Variants in KCNQ1 observed in about 807,000 individuals in gnomAD.
KCNQ1 encodes the protein potassium voltage-gated channel subfamily Q member 1.
KCNQ1 carries 49 observed loss-of-function variants against 72.4 expected under a neutral mutation model. That is an observed-to-expected ratio of 0.68 (90% CI 0.54 to 0.86). The LOEUF is 0.86. Among genes scored for constraint, KCNQ1 ranks in the 40% least tolerant of loss-of-function variants. The pLI, the probability that KCNQ1 is intolerant of heterozygous loss-of-function variation, is 0.00. For missense variants in KCNQ1, 790 were observed against 945.1 expected, an observed-to-expected ratio of 0.84 and a Z score of 2.15; for synonymous variants, 450 against 412.6, an observed-to-expected ratio of 1.09 and a Z score of -1.10.
At chr11:2,841,851 G>A (rs1263671118) in intron 15 of KCNQ1, among the ~76,000 whole-genome samples, 2 of 152,198 alleles carry the variant, frequency 1.3e-5, no homozygotes, top group African/African-American at 2.4e-5. Flanking sequence ...GCAGCAGGGG[G>A]AAGGGTCTTT....
At chr11:2,520,318 G>A (rs778777334) in intron 1 of KCNQ1, among the ~76,000 whole-genome samples, 43 of 152,232 alleles carry the variant, frequency 2.8e-4, no homozygotes, top group Non-Finnish European at 5.4e-4. Context: ...GGTTCAGAGC[G>A]GGGAACCTGT....
rs1846326717 is a variant in KCNQ1, at chr11:2,464,669, C to G, written c.386+19185C>G. 6.6e-6 allele frequency among the ~76,000 whole-genome samples: 1 copy of G among 151,984 alleles called. No homozygotes were observed. Among genetic ancestry groups the G allele is most frequent in the Non-Finnish European group, 1.5e-5 (1 of 68,010 alleles). On this transcript the variant is annotated intron_variant, in intron 1 of 15. Coordinates refer to ENST00000155840, the MANE Select transcript of KCNQ1 (RefSeq NM_000218.3). The surrounding 1 kb of genome is among the most constrained non-coding windows in gnomAD (Gnocchi z 5.0). The stretch of plus-strand genomic sequence containing the variant: ...GGCAGTGCCTCTGTGTGGCAGATTC[C>G]AGCTTCTCTCAGGGGCCAGGATTAC...
In KCNQ1 at chr11:2,813,736, T is replaced by G. The variant is rs1410788997; in HGVS notation, c.1795-34031T>G. On this transcript the variant is annotated intron_variant, in intron 15 of 15. Transcript: ENST00000155840. The surrounding 1 kb of genome is among the most constrained non-coding windows in gnomAD (Gnocchi z 4.4). ...GCCTTTTGATCTTGTTGCCGCAAGA[T>G]ACACAGGAGGCAGCTGCTCACTGCT... Among the ~76,000 whole-genome samples, 1 of 151,986 alleles carries G rather than the reference T, an allele frequency of 6.6e-6. No homozygotes were observed. Among genetic ancestry groups the G allele is most frequent in the Admixed American group, 6.6e-5 (1 of 15,258 alleles).
In KCNQ1 at chr11:2,695,217, G is replaced by A; in HGVS notation, c.1514+33136G>A. On this transcript the variant is annotated intron_variant, in intron 11 of 15. Coordinates refer to ENST00000155840, the MANE Select transcript of KCNQ1 (RefSeq NM_000218.3). This position sits in a 1 kb window ranked among gnomAD's most constrained non-coding sequence, Gnocchi z 5.2. ...AAACACTGTCACCCTGTAAGGGTCT[G>A]CATAAAGTCACCGCTCTCTTCCTCT... is the stretch of plus-strand genomic sequence containing the variant. 1 of 398,624 alleles carries A rather than the reference G, an allele frequency of 2.5e-6. No homozygotes were observed. The highest frequency in any genetic ancestry group is 4.4e-6 in the Non-Finnish European group (1 of 226,094). 24.7% of individuals were successfully genotyped at this position (398,624 alleles called of 1,614,324 possible). A position where few individuals can be genotyped will look rare whatever the true frequency, so the allele number is the denominator to read the frequency against.
intron 1 of KCNQ1, among the ~76,000 whole-genome samples, chr11:2,524,990 G>A (rs1159203915): frequency 6.6e-6 from 1 of 152,170 alleles, no homozygotes; most frequent in African/African-American, 2.4e-5. Flanking sequence ...CCTGCTCACT[G>A]CAAATCAAAA....
At position 2,803,674 on chromosome 11, in the gene KCNQ1, C is replaced by A. The variant is rs1002006256; in HGVS notation, c.1794+25637C>A. Among the ~76,000 whole-genome samples the A allele has an allele frequency of 1.3e-5, 2 of 152,154 alleles. No individual in the cohort carries two copies. Among genetic ancestry groups the A allele is most frequent in the Non-Finnish European group, 2.9e-5 (2 of 68,020 alleles). On this transcript the variant is annotated intron_variant, in intron 15 of 15. Coordinates refer to ENST00000155840, the MANE Select transcript of KCNQ1 (RefSeq NM_000218.3). The surrounding 1 kb of genome is among the most constrained non-coding windows in gnomAD (Gnocchi z 6.4). ...GCCTGCCCACCCCCAGCCTGTCCCC[C>A]AAATGCCCAGGGCTGTGGCCTGCCC...
chr11:2,590,828 C>T (rs1039367238), intron 10 of KCNQ1, among the ~76,000 whole-genome samples: 6 of 152,162 alleles, frequency 3.9e-5, no homozygotes, highest in Non-Finnish European at 5.9e-5. Context: ...CCCACTGTTC[C>T]GGACTCTGGG....
chr11:2,756,088 A>G (rs887320406), intron 11 of KCNQ1, among the ~76,000 whole-genome samples: 1 of 152,214 alleles, frequency 6.6e-6, no homozygotes, highest in African/African-American at 2.4e-5. Context: ...GGGAGTGTAC[A>G]GTGGGACTAC....
At chr11:2,501,370 C>G (rs1847007737) in intron 1 of KCNQ1, among the ~76,000 whole-genome samples, 1 of 151,544 alleles carries the variant, frequency 6.6e-6, no homozygotes, top group Admixed American at 6.6e-5. Flanking sequence ...CACAGAAATT[C>G]AAAGGATAAT....
At chr11:2,729,562 A>T (rs1387149715) in intron 11 of KCNQ1, among the ~76,000 whole-genome samples, 2 of 152,232 alleles carry the variant, frequency 1.3e-5, no homozygotes, top group Non-Finnish European at 2.9e-5. Flanking sequence ...AATGTTTGGA[A>T]AGAAAGTTGC....
In KCNQ1 at chr11:2,690,566, G is replaced by T. The variant is rs552783901; in HGVS notation, c.1514+28485G>T. The T allele has an allele frequency of 7.5e-6, 3 of 398,716 alleles. No individual in the cohort carries two copies. The Admixed American group carries it at 1.3e-4, about 18-fold the overall frequency. 24.7% of individuals were successfully genotyped at this position (398,716 alleles called of 1,614,324 possible). A position where few individuals can be genotyped will look rare whatever the true frequency, so the allele number is the denominator to read the frequency against. On this transcript the variant is annotated intron_variant, in intron 11 of 15. Transcript: ENST00000155840. This position sits in a 1 kb window ranked among gnomAD's most constrained non-coding sequence, Gnocchi z 5.1. Reference sequence around the variant, plus strand: ...GAAGGACAAGAAGTAACATGTCAAAGATGGGACAGAACCCACCTCCTGGCA... The same window carrying T: ...GAAGGACAAGAAGTAACATGTCAAATATGGGACAGAACCCACCTCCTGGCA...
intron 15 of KCNQ1, among the ~76,000 whole-genome samples, chr11:2,804,854 CTG>C (rs1404180264): frequency 3.9e-5 from 6 of 152,178 alleles, no homozygotes; most frequent in Non-Finnish European, 1.5e-5. Context: ...TATGAGGAGA[CTG>C]AGGCACGGGC....
rs1275939960 is a variant in KCNQ1, at chr11:2,695,809, G to A, written c.1514+33728G>A. The A allele has an allele frequency of 1.0e-5, 4 of 398,472 alleles. No individual in the cohort carries two copies. The highest frequency in any genetic ancestry group is 1.8e-5 in the Non-Finnish European group (4 of 226,074). The allele number at this position is 398,472 out of a possible 1,614,324, so 24.7% of individuals were successfully genotyped here. A position where few individuals can be genotyped will look rare whatever the true frequency, so the allele number is the denominator to read the frequency against. ...GCTTCTCCTATGAAGAATAGCTGTT[G>A]CTTTCATTTACATTTCTCTGATAAC... On this transcript the variant is annotated intron_variant, in intron 11 of 15. Transcript: ENST00000155840. This position sits in a 1 kb window ranked among gnomAD's most constrained non-coding sequence, Gnocchi z 5.2.
rs920237079 is a variant in KCNQ1 at position 2,549,921 on chromosome 11, G to A, written c.478-20707G>A. Among the ~76,000 whole-genome samples, 8 of 152,098 alleles carry A rather than the reference G, an allele frequency of 5.3e-5. No homozygotes were observed. The highest frequency in any genetic ancestry group is 1.9e-4 in the East Asian group (1 of 5,174). On this transcript the variant is annotated intron_variant, in intron 2 of 15. Transcript: ENST00000155840. This position sits in a 1 kb window ranked among gnomAD's most constrained non-coding sequence, Gnocchi z 6.2. Reference sequence around the variant, plus strand: ...TTCCGGCTCCTTGCCCACCGCCCCCGCCACCCAGCGCGAGCCGCGTAGAGG... The same window carrying A: ...TTCCGGCTCCTTGCCCACCGCCCCCACCACCCAGCGCGAGCCGCGTAGAGG...
chr11:2,705,147 G>A (rs1458558223), intron 11 of KCNQ1, among the ~76,000 whole-genome samples: 3 of 152,162 alleles, frequency 2.0e-5, no homozygotes, highest in Non-Finnish European at 2.9e-5. Context: ...TGGGCTGCTC[G>A]GGGAATGCCC....
Position 2,587,573 on chromosome 11 carries a change from G to T in KCNQ1, c.1132G>T (p.Ala378Ser), listed in dbSNP as rs756571615. 6.2e-7 allele frequency: 1 copy of T among 1,613,702 alleles called. No homozygotes were observed. Among genetic ancestry groups the T allele is most frequent in the Non-Finnish European group, 8.5e-7 (1 of 1,180,000 alleles). Residue 378 changes from alanine (A) to serine (S), a missense_variant, in exon 9 of 16, where the codon GCA becomes TCA. Physicochemically the swap from Ala to Ser is moderately conservative, Grantham distance 99. Coordinates refer to ENST00000155840, the MANE Select transcript of KCNQ1 (RefSeq NM_000218.3). ...CTGTCCCCCTGCCCGACCTCAGACCGCATGGAGGTGCTATGCTGCCGAGAA... is the reference window on the plus strand; with the variant it reads ...CTGTCCCCCTGCCCGACCTCAGACCTCATGGAGGTGCTATGCTGCCGAGAA... Reference protein sequence around the residue: ...IPAAASLIQTAWRCYAAENPD... With the variant: ...IPAAASLIQTSWRCYAAENPD...
rs1365017198 is a variant in KCNQ1 at position 2,567,189 on chromosome 11, G to T, written c.478-3439G>T. ...CAGCTGCTTGAGCAAGGTGGGCAAG[G>T]GAGAAGTACCAAATGTGTGCAGGTT... On this transcript the variant is annotated intron_variant, in intron 2 of 15. Coordinates refer to ENST00000155840, the MANE Select transcript of KCNQ1 (RefSeq NM_000218.3). The surrounding 1 kb of genome is among the most constrained non-coding windows in gnomAD (Gnocchi z 6.6). Among the ~76,000 whole-genome samples, 3 of 152,118 alleles carry T rather than the reference G, an allele frequency of 2.0e-5. No individual in the cohort carries two copies. The highest frequency in any genetic ancestry group is 7.2e-5 in the African/African-American group (3 of 41,410).
At position 2,691,994 on chromosome 11, in the gene KCNQ1, C is replaced by A. The variant is rs1850595769; in HGVS notation, c.1514+29913C>A. 4 of 398,538 alleles carry A rather than the reference C, an allele frequency of 1.0e-5. No homozygotes were observed. Among genetic ancestry groups the A allele is most frequent in the South Asian group, 1.3e-4 (1 of 7,856 alleles). The allele number at this position is 398,538 out of a possible 1,614,324, so 24.7% of individuals were successfully genotyped here. A position where few individuals can be genotyped will look rare whatever the true frequency, so the allele number is the denominator to read the frequency against. On this transcript the variant is annotated intron_variant, in intron 11 of 15. Coordinates refer to ENST00000155840, the MANE Select transcript of KCNQ1 (RefSeq NM_000218.3). The surrounding 1 kb of genome is among the most constrained non-coding windows in gnomAD (Gnocchi z 6.4). ...ATGCAAACCATTTCCCTAAGCTGTT[C>A]CCTCAGCACCAAGGGCTTCCAGACC...
rs1447810813 is a variant in KCNQ1, at chr11:2,824,013, G to A, written c.1795-23754G>A. ...GATGGGCTTCCCGGGAGTGGAGCTG[G>A]GCATGCACACTAAGGCCTGGAGGCT... On this transcript the variant is annotated intron_variant, in intron 15 of 15. Transcript: ENST00000155840. This position sits in a 1 kb window ranked among gnomAD's most constrained non-coding sequence, Gnocchi z 5.9. 2.0e-5 allele frequency among the ~76,000 whole-genome samples: 3 copies of A among 152,118 alleles called. No individual in the cohort carries two copies. Among genetic ancestry groups the A allele is most frequent in the East Asian group, 3.9e-4 (2 of 5,194 alleles).
Sources: gnomAD v4.1 joint callset for allele counts (sites outside exome capture counted in the v4.1 genomes callset) on GRCh38, gnomAD v4.1.1 for gene constraint, Gnocchi (gnomAD v3.1) non-coding constraint, MANE v1.5 for transcripts, NCBI Gene and HGNC (gene_info 2026-07-23, HGNC 2026-07-21) for gene names.